FARS2: variants seen among roughly 807,000 people sequenced by gnomAD.
The protein encoded by FARS2 is phenylalanyl-tRNA synthetase 2, mitochondrial, also known as phenylalanine--tRNA ligase, mitochondrial.
In FARS2, 40 loss-of-function variants were observed where a neutral mutation model predicts 46.4. That is an observed-to-expected ratio of 0.86 (90% CI 0.67 to 1.12). The LOEUF is 1.12. Ranked by LOEUF, FARS2 falls within the 50% of genes most tolerant of loss-of-function variation. FARS2 has a pLI of 0.00. For missense variants in FARS2, 513 were observed against 567.9 expected (o/e 0.90, Z 0.98); for synonymous variants, 234 against 214.9 (o/e 1.09, Z -0.78).
intron 6 of FARS2, among the ~76,000 whole-genome samples, chr6:5,670,159 G>A (rs902347311): frequency 6.6e-6 from 1 of 152,118 alleles, no homozygotes; most frequent in Non-Finnish European, 1.5e-5. Context: ...AAGCATAGGC[G>A]CTTATGCCCA....
At chr6:5,532,402 G>A (rs983516788) in intron 4 of FARS2, among the ~76,000 whole-genome samples, 24 of 152,326 alleles carry the variant, frequency 1.6e-4, no homozygotes, top group East Asian at 3.9e-4. Flanking sequence ...AACATTGTGA[G>A]GATAAAACTC....
intron 6 of FARS2, among the ~76,000 whole-genome samples, chr6:5,713,326 C>T (rs1430702507): frequency 6.6e-6 from 1 of 152,152 alleles, no homozygotes; most frequent in Non-Finnish European, 1.5e-5. Context: ...AATTTCCAAA[C>T]CAGGGGAATA....
chr6:5,733,556 T>C (rs1760776043), intron 6 of FARS2, among the ~76,000 whole-genome samples: 2 of 152,234 alleles, frequency 1.3e-5, no homozygotes, highest in Non-Finnish European at 2.9e-5. Flanking sequence ...ATTTTGTTTT[T>C]GTTCTCCCTC....
At chr6:5,415,381 C>A (rs990680235) in intron 3 of FARS2, among the ~76,000 whole-genome samples, 1 of 128,876 alleles carries the variant, frequency 7.8e-6, no homozygotes, top group South Asian at 2.5e-4. Flanking sequence ...GTGGTGTGAT[C>A]TCAGCTCACT....
chr6:5,349,515 C>A (rs2127603254), intron 1 of FARS2, among the ~76,000 whole-genome samples: 1 of 152,260 alleles, frequency 6.6e-6, no homozygotes, highest in East Asian at 1.9e-4. Context: ...ACTTTCAACC[C>A]TTGAGTACTT....
At chr6:5,622,574 G>A (rs1775829625) in intron 6 of FARS2, among the ~76,000 whole-genome samples, 1 of 152,200 alleles carries the variant, frequency 6.6e-6, no homozygotes, top group South Asian at 2.1e-4. Flanking sequence ...AGAGGCTTCA[G>A]AGAGCTGCCT....
intron 4 of FARS2, chr6:5,457,766 A>G (rs550760333): frequency 6.6e-6 from 1 of 152,320 alleles, no homozygotes; most frequent in South Asian, 2.1e-4. Context: ...AACTGAGTCA[A>G]AGAAAAATAA....
intron 6 of FARS2, among the ~76,000 whole-genome samples, chr6:5,680,631 A>G (rs1284082065): frequency 6.6e-6 from 1 of 152,186 alleles, no homozygotes; most frequent in East Asian, 1.9e-4. Flanking sequence ...GCAAGTACCC[A>G]CAGTCCTACC....
At chr6:5,701,143 A>G (rs768378383) in intron 6 of FARS2, among the ~76,000 whole-genome samples, 21 of 152,230 alleles carry the variant, frequency 1.4e-4, no homozygotes, top group Non-Finnish European at 2.8e-4. Flanking sequence ...CCAGTCTGTG[A>G]CAAGTGTGCA....
chr6:5,277,208 T>TG (rs1581672671), intron 1 of FARS2, among the ~76,000 whole-genome samples: 1 of 151,906 alleles, frequency 6.6e-6, no homozygotes, highest in Non-Finnish European at 1.5e-5. Context: ...AGTTTTGTTT[T>TG]TTTTTTTTCT....
At chr6:5,386,152 A>T (rs562466275) in intron 2 of FARS2, among the ~76,000 whole-genome samples, 5 of 152,306 alleles carry the variant, frequency 3.3e-5, no homozygotes, top group African/African-American at 1.2e-4. Flanking sequence ...TAATAATAGA[A>T]GGTGTCCCAA....
chr6:5,526,134 G>A (rs889156808), intron 4 of FARS2, among the ~76,000 whole-genome samples: 6 of 152,194 alleles, frequency 3.9e-5, no homozygotes, highest in African/African-American at 1.2e-4. Context: ...AAAGTTAGAA[G>A]TTAGAGATGG....
At chr6:5,550,351 C>T (rs564766204) in intron 5 of FARS2, among the ~76,000 whole-genome samples, 1 of 152,172 alleles carries the variant, frequency 6.6e-6, no homozygotes, top group Admixed American at 6.5e-5. Flanking sequence ...TCACGGCTCA[C>T]TGCAACCTCC....
intron 1 of FARS2, among the ~76,000 whole-genome samples, chr6:5,327,836 A>G (rs1770506858): frequency 6.6e-6 from 1 of 152,152 alleles, no homozygotes; most frequent in Non-Finnish European, 1.5e-5. Context: ...TTGAGAATAG[A>G]TAGTACAGGA....
intron 4 of FARS2, among the ~76,000 whole-genome samples, chr6:5,455,894 C>T (rs899588042): frequency 6.6e-6 from 1 of 152,154 alleles, no homozygotes; most frequent in Non-Finnish European, 1.5e-5. Context: ...AGTTTATACT[C>T]CCTCCATGCA....
intron 4 of FARS2, among the ~76,000 whole-genome samples, chr6:5,450,066 G>T (rs1470769802): frequency 6.6e-6 from 1 of 152,202 alleles, no homozygotes; most frequent in African/African-American, 2.4e-5. Flanking sequence ...CCCACAGTTG[G>T]TTAAAAACAA....
At chr6:5,740,550 C>T (rs568310928) in intron 6 of FARS2, among the ~76,000 whole-genome samples, 5 of 151,674 alleles carry the variant, frequency 3.3e-5, no homozygotes, top group Non-Finnish European at 5.9e-5. Context: ...TTCAGCACTG[C>T]GGATATTTAC....
intron 2 of FARS2, among the ~76,000 whole-genome samples, chr6:5,377,343 T>C (rs1759446974): frequency 6.6e-6 from 1 of 152,188 alleles, no homozygotes; most frequent in Non-Finnish European, 1.5e-5. Flanking sequence ...TTCCGCAGGT[T>C]GTTCTCCAGT....
intron 4 of FARS2, among the ~76,000 whole-genome samples, chr6:5,539,346 A>C (rs372243901): frequency 1.5e-4 from 20 of 129,176 alleles, no homozygotes; most frequent in African/African-American, 5.9e-4. Context: ...AGCTGGGACT[A>C]CAGGTGCCCG....
Sources: allele counts gnomAD v4.1 joint callset (sites outside exome capture counted in the v4.1 genomes callset), GRCh38; gene constraint gnomAD v4.1.1; transcripts MANE v1.5; gene names NCBI Gene and HGNC (gene_info 2026-07-23, HGNC 2026-07-21).